The following CCNF variants were observed in gnomAD, a reference collection of about 807,000 sequenced individuals.
CCNF encodes the protein cyclin F.
Under a neutral mutation model 85.4 loss-of-function variants are expected in CCNF, and 30 were observed. The observed-to-expected ratio is 0.35, with a 90% CI of 0.26 to 0.48. The LOEUF is 0.48. Ranked by LOEUF, CCNF falls within the 20% of genes least tolerant of loss-of-function variation. The probability of loss-of-function intolerance (pLI) is 0.99; values close to 1 mark genes in which losing one functional copy is unlikely to be tolerated. For missense variants in CCNF, 919 were observed against 1,010.4 expected (o/e 0.91, Z 1.23); for synonymous variants, 439 against 425.1 (o/e 1.03, Z -0.40).
intron 15 of CCNF, among the ~76,000 whole-genome samples, chr16:2,454,311 C>T (rs368003068): frequency 2.6e-5 from 4 of 152,228 alleles, no homozygotes; most frequent in Non-Finnish European, 4.4e-5. Context: ...ACAGCACTTT[C>T]CATTGTGTGG....
intron 6 of CCNF, among the ~76,000 whole-genome samples, 198 bp from the exon 7 acceptor site, chr16:2,439,155 G>C (rs771392264): frequency 1.3e-5 from 2 of 152,076 alleles, no homozygotes; most frequent in Non-Finnish European, 2.9e-5. Context: ...AAAATTAGCC[G>C]GGCATGATGG....
At chr16:2,437,913 A>AG in intron 5 of CCNF, 157 bp from the exon 6 acceptor site, 1 of 578,568 alleles carries the variant, frequency 1.7e-6, no homozygotes, top group East Asian at 2.9e-5. Context: ...TAAAAAAAAA[A>AG]AAAAAAAAAG....
intron 8 of CCNF, among the ~76,000 whole-genome samples, chr16:2,440,354 C>G (rs1249012962): frequency 6.6e-6 from 1 of 152,190 alleles, no homozygotes; most frequent in African/African-American, 2.4e-5. Context: ...TGCGGTGGCT[C>G]ACGCCTGAAA....
At chr16:2,443,900 G>A in intron 9 of CCNF, 100 bp downstream of exon 9, 1 of 1,119,398 alleles carries the variant, frequency 8.9e-7, no homozygotes, top group African/African-American at 1.6e-5. Context: ...CTGTGACAGG[G>A]CGGCATAGAG....
chr16:2,440,062 T>TC (rs1315159309), intron 8 of CCNF, among the ~76,000 whole-genome samples: 1 of 152,250 alleles, frequency 6.6e-6, no homozygotes, highest in Non-Finnish European at 1.5e-5. Context: ...CTCTTGCCTC[T>TC]CAGCCAGCCA....
intron 8 of CCNF, 29 bp from the exon 9 acceptor site, chr16:2,443,620 C>T (rs774051087): frequency 6.2e-7 from 1 of 1,606,976 alleles, no homozygotes; most frequent in Non-Finnish European, 8.5e-7. Context: ...GCTGCTGTCT[C>T]ACGCTCATGT....
In CCNF at chr16:2,445,555, C is replaced by G; in HGVS notation, c.1027C>G (p.Arg343Gly). 1 of 1,613,964 alleles carries G rather than the reference C, an allele frequency of 6.2e-7. No homozygotes were observed. Among genetic ancestry groups the G allele is most frequent in the Non-Finnish European group, 8.5e-7 (1 of 1,180,004 alleles). ...CGTGGAGTGTGTGGACCGGTACCTGCGGAGGAGGCTGGTGCCGCGGTACAG... is the reference window on the plus strand; with the variant it reads ...CGTGGAGTGTGTGGACCGGTACCTGGGGAGGAGGCTGGTGCCGCGGTACAG... ...LTVECVDRYL[R>G]RRLVPRYRLQ... is the part of the protein sequence containing the mutation. The change falls in exon 10 of 17, where the codon CGG becomes GGG. Residue 343 changes from arginine (R) to glycine (G), a missense_variant. Arg to Gly is a moderately radical substitution (Grantham distance 125). Around this residue, in one of 3 missense-constraint regions of CCNF, gnomAD observed 410 missense variants for 478.6 expected, o/e 0.86. Coordinates refer to ENST00000397066, the MANE Select transcript of CCNF (RefSeq NM_001761.3).
intron 8 of CCNF, among the ~76,000 whole-genome samples, chr16:2,442,760 T>A (rs528328535): frequency 7.5e-5 from 2 of 26,762 alleles, no homozygotes; most frequent in Non-Finnish European, 1.0e-4. Flanking sequence ...ATTATAATAA[T>A]ATAATATATA....
In CCNF at chr16:2,448,975, T is replaced by C; in HGVS notation, c.1215T>C (p.Ile405=). The C allele has an allele frequency of 6.2e-7, 1 of 1,613,960 alleles. No homozygotes were observed. The highest frequency in any genetic ancestry group is 8.5e-7 in the Non-Finnish European group (1 of 1,179,970). ...TCGTCTCCGCCTTGGAAGGGAAGAT[T>C]CGAGTAAGCAGCGGTTCCATTTTCC... ...GEIVSALEGK[I]RVPTVVDYKE... Residue 405 remains isoleucine (I), a synonymous_variant, in exon 11 of 17, where the codon ATT becomes ATC. Coordinates refer to ENST00000397066, the MANE Select transcript of CCNF (RefSeq NM_001761.3).
Position 2,458,338 on chromosome 16 carries a change from G to A in CCNF, c.*1318G>A, listed in dbSNP as rs2065442909. ...GCATGATCTCAACTCTCAACTCACT[G>A]TAACCTCCGCCTCCCGGATACTCCT... On this transcript the variant is annotated 3_prime_UTR_variant, in exon 17 of 17. Coordinates refer to ENST00000397066, the MANE Select transcript of CCNF (RefSeq NM_001761.3). 1 of 146,044 alleles carries A rather than the reference G, an allele frequency of 6.8e-6. No homozygotes were observed. Among genetic ancestry groups the A allele is most frequent in the African/African-American group, 2.6e-5 (1 of 38,968 alleles). 9.0% of individuals were successfully genotyped at this position (146,044 alleles called of 1,614,324 possible).
Position 2,458,542 on chromosome 16 carries a change from G to C in CCNF, c.*1522G>C, listed in dbSNP as rs755954398. 2 of 152,452 alleles carry C rather than the reference G, an allele frequency of 1.3e-5. No individual in the cohort carries two copies. Among genetic ancestry groups the C allele is most frequent in the East Asian group, 3.8e-4 (2 of 5,204 alleles). The allele number at this position is 152,452 out of a possible 1,614,324, so 9.4% of individuals were successfully genotyped here. On this transcript the variant is annotated 3_prime_UTR_variant, in exon 17 of 17. Transcript: ENST00000397066. ...TGGGATTACAGGCATGAGCCACGGC[G>C]CCTGGCCCCCAAATGCTCTTGAACC...
chr16:2,441,981 A>ATATATATG (rs1322601122), intron 8 of CCNF, among the ~76,000 whole-genome samples: 2 of 98,776 alleles, frequency 2.0e-5, no homozygotes, highest in Non-Finnish European at 4.1e-5. Flanking sequence ...ATATATATAT[A>ATATATATG]TGTTTTTGTT....
chr16:2,454,584 G>C (rs71386673), intron 15 of CCNF, among the ~76,000 whole-genome samples: 1 of 152,250 alleles, frequency 6.6e-6, no homozygotes, highest in African/African-American at 2.4e-5. Flanking sequence ...CTGGGGTCAG[G>C]AAGTGGAAAG....
intron 10 of CCNF, among the ~76,000 whole-genome samples, chr16:2,447,068 G>A (rs944803762): frequency 6.6e-6 from 1 of 152,126 alleles, no homozygotes; most frequent in African/African-American, 2.4e-5. Flanking sequence ...TGAGGAGGTC[G>A]GGCGGCCGCC....
intron 3 of CCNF, among the ~76,000 whole-genome samples, chr16:2,434,266 A>AT (rs1475955286): frequency 6.6e-6 from 1 of 152,130 alleles, no homozygotes; most frequent in Non-Finnish European, 1.5e-5. Context: ...AGATTGCGCC[A>AT]TTGCACTCCA....
intron 8 of CCNF, among the ~76,000 whole-genome samples, chr16:2,442,830 ATAT>A (rs1460762090): frequency 5.8e-5 from 5 of 86,522 alleles, no homozygotes; most frequent in African/African-American, 1.9e-4. Context: ...AATATATGTA[ATAT>A]TATATTCTAT....
chr16:2,449,930 G>T lies in CCNF; in HGVS notation c.1487+15G>T, dbSNP rs1451323343. On this transcript the variant is annotated intron_variant, in intron 13 of 16. Coordinates refer to ENST00000397066, the MANE Select transcript of CCNF (RefSeq NM_001761.3). ...CATAAGAAGTGGTGAGTTTTGGCCG[G>T]GCGCAGAGGCTCATGCCTGTAACCC... The T allele has an allele frequency of 6.3e-7, 1 of 1,581,272 alleles. No individual in the cohort carries two copies. Among genetic ancestry groups the T allele is most frequent in the African/African-American group, 1.3e-5 (1 of 74,334 alleles).
rs758932928 is a variant in CCNF, at chr16:2,452,693, C to T, written c.1488-517C>T. On this transcript the variant is annotated intron_variant, in intron 13 of 16. Coordinates refer to ENST00000397066, the MANE Select transcript of CCNF (RefSeq NM_001761.3). This position sits in a 1 kb window ranked among gnomAD's most constrained non-coding sequence, Gnocchi z 4.1. ...ACACACCCCTCAGCTGTCACCCTCC[C>T]GTTCCCCCCAACTTCCTCAGCGCTA... 9 of 158,486 alleles carry T rather than the reference C, an allele frequency of 5.7e-5. No homozygotes were observed. The highest frequency in any genetic ancestry group is 9.8e-5 in the Non-Finnish European group (7 of 71,732). 9.8% of individuals were successfully genotyped at this position (158,486 alleles called of 1,614,324 possible). A position where few individuals can be genotyped will look rare whatever the true frequency, so the allele number is the denominator to read the frequency against.
rs2065344951 is a variant in CCNF at position 2,443,702 on chromosome 16, A to T, written c.831A>T (p.Arg277Ser). 6.2e-7 allele frequency: 1 copy of T among 1,613,708 alleles called. No individual in the cohort carries two copies. Among genetic ancestry groups the T allele is most frequent in the Admixed American group, 1.7e-5 (1 of 59,984 alleles). ...CAAACCAGCTTGGACTGGAGGTGAG[A>T]GCTTCCAGTGAGATCGTCTGCCAGC... ...ANANQLGLEV[R>S]ASSEIVCQLF... The change falls in exon 9 of 17, where the codon AGA becomes AGT. Residue 277 changes from arginine to serine, a missense_variant. By Grantham distance (110) the Arg-to-Ser change is moderately radical. Around this residue, in one of 3 missense-constraint regions of CCNF, gnomAD observed 410 missense variants for 478.6 expected, o/e 0.86. Coordinates refer to ENST00000397066, the MANE Select transcript of CCNF (RefSeq NM_001761.3).
Sources: gnomAD v4.1 joint callset for allele counts (sites outside exome capture counted in the v4.1 genomes callset) on GRCh38, gnomAD v4.1.1 for gene constraint, gnomAD v4.1.1 regional missense constraint, Gnocchi (gnomAD v3.1) non-coding constraint, MANE v1.5 for transcripts, NCBI Gene and HGNC (gene_info 2026-07-23, HGNC 2026-07-21) for gene names.